The following PEAK1 variants were observed in gnomAD, a reference collection of about 807,000 sequenced individuals.
The protein encoded by PEAK1 is pseudopodium enriched atypical kinase 1.
PEAK1 carries 54 observed loss-of-function variants against 124.7 expected under a neutral mutation model. That is an observed-to-expected ratio of 0.43 (90% confidence interval 0.35 to 0.54). PEAK1 has a LOEUF of 0.54. PEAK1 is among the 20% of genes least tolerant of loss of function. The pLI, the probability that PEAK1 is intolerant of heterozygous loss-of-function variation, is 0.01. For missense variants in PEAK1, 2,046 were observed against 2,134.5 expected, an observed-to-expected ratio of 0.96 and a Z score of 0.82; for synonymous variants, 719 against 760.0, an observed-to-expected ratio of 0.95 and a Z score of 0.89.
intron 6 of PEAK1, among the ~76,000 whole-genome samples, chr15:77,202,802 C>T (rs761294116): frequency 1.3e-5 from 2 of 151,092 alleles, no homozygotes; most frequent in Admixed American, 1.3e-4. Context: ...TTTGGGAGGC[C>T]GAGGTGGGCA....
chr15:77,304,936 C>T (rs1393948744), intron 2 of PEAK1, among the ~76,000 whole-genome samples: 2 of 151,796 alleles, frequency 1.3e-5, no homozygotes, highest in Non-Finnish European at 2.9e-5. Flanking sequence ...GTAAAGGGCA[C>T]AAAGATGAAG....
At chr15:77,258,247 T>C (rs1374451045) in intron 5 of PEAK1, among the ~76,000 whole-genome samples, 1 of 152,210 alleles carries the variant, frequency 6.6e-6, no homozygotes, top group African/African-American at 2.4e-5. Flanking sequence ...AAAGTAGTTT[T>C]TTCCAATTCT....
intron 6 of PEAK1, among the ~76,000 whole-genome samples, chr15:77,204,153 G>A (rs1459632139): frequency 6.6e-6 from 1 of 152,078 alleles, no homozygotes; most frequent in Non-Finnish European, 1.5e-5. Context: ...ATAAAAAGAT[G>A]CACCACATCA....
At chr15:77,235,515 T>C (rs2152902572) in intron 6 of PEAK1, among the ~76,000 whole-genome samples, 1 of 152,278 alleles carries the variant, frequency 6.6e-6, no homozygotes, top group African/African-American at 2.4e-5. Context: ...TTAGGGTATC[T>C]GGCAGAAGAA....
intron 6 of PEAK1, among the ~76,000 whole-genome samples, chr15:77,222,475 T>A (rs981798265): frequency 3.9e-5 from 6 of 152,040 alleles, no homozygotes; most frequent in Non-Finnish European, 8.8e-5. Flanking sequence ...TTTTACAGAC[T>A]AAGGAATTTT....
At position 77,181,777 on chromosome 15, in the gene PEAK1, A is replaced by T; in HGVS notation, c.150T>A (p.Ser50Arg). 2 of 1,614,066 alleles carry T rather than the reference A, an allele frequency of 1.2e-6. No homozygotes were observed. The highest frequency in any genetic ancestry group is 2.2e-5 in the South Asian group (2 of 91,068). ...HGNVKTNANH[S>R]NNHRIRNTGN... ...CCGTGTTCCTGATGCGGTGGTTGTT[A>T]CTGTGATTGGCATTAGTTTTCACAT... The change falls in exon 7 of 10, where the codon AGT (serine) becomes AGA (arginine). Residue 50 changes from serine (S) to arginine (R), a missense_variant. Ser to Arg is a moderately radical substitution (Grantham distance 110, BLOSUM62 -1). Transcript: ENST00000682557.
intron 6 of PEAK1, among the ~76,000 whole-genome samples, chr15:77,231,471 G>A (rs1295840882): frequency 6.6e-6 from 1 of 152,090 alleles, no homozygotes; most frequent in African/African-American, 2.4e-5. Context: ...GCTAAAATTA[G>A]ACAAAAGTTT....
intron 5 of PEAK1, among the ~76,000 whole-genome samples, chr15:77,257,682 G>C (rs1262309575): frequency 6.6e-6 from 1 of 151,724 alleles, no homozygotes; most frequent in Admixed American, 6.6e-5. Flanking sequence ...TAGGTTGCCT[G>C]TTCACTCTGA....
At chr15:77,288,252 C>T (rs936533900) in intron 2 of PEAK1, among the ~76,000 whole-genome samples, 7 of 151,858 alleles carry the variant, frequency 4.6e-5, no homozygotes, top group African/African-American at 9.7e-5. Flanking sequence ...AACTTTATTT[C>T]CTATCTCCCA....
At chr15:77,137,501 T>C (rs781344587) in intron 8 of PEAK1, among the ~76,000 whole-genome samples, 5 of 152,190 alleles carry the variant, frequency 3.3e-5, no homozygotes, top group African/African-American at 4.8e-5. Context: ...ATGCAAGACA[T>C]GGAATCAAGG....
At chr15:77,305,713 G>A (rs2064063784) in intron 2 of PEAK1, among the ~76,000 whole-genome samples, 1 of 152,142 alleles carries the variant, frequency 6.6e-6, no homozygotes, top group Non-Finnish European at 1.5e-5. Context: ...GGACCCCTGT[G>A]AACACTAAAA....
chr15:77,180,171 T>C lies in PEAK1; in HGVS notation c.1756A>G (p.Lys586Glu). 1 of 1,614,088 alleles carries C rather than the reference T, an allele frequency of 6.2e-7. No individual in the cohort carries two copies. The highest frequency in any genetic ancestry group is 8.5e-7 in the Non-Finnish European group (1 of 1,179,948). The stretch of plus-strand genomic sequence containing the variant: ...TTAATTTCAGACAAATTAGGTGACT[T>C]AACAGGGATGGTTTTGGAGGAAATG... ...TNISSKTIPV[K>E]SPNLSEIKFN... is the part of the protein sequence containing the mutation. Residue 586 changes from lysine (K) to glutamate (E), a missense_variant, in exon 7 of 10, where the codon AAG becomes GAG. Coordinates refer to ENST00000682557, the MANE Select transcript of PEAK1 (RefSeq NM_001385026.1).
intron 2 of PEAK1, among the ~76,000 whole-genome samples, chr15:77,288,546 G>C (rs1456981974): frequency 6.6e-6 from 1 of 152,208 alleles, no homozygotes; most frequent in East Asian, 1.9e-4. Flanking sequence ...AAACCAGTGA[G>C]AAGGGAAACT....
At chr15:77,271,435 T>C (rs2062025506) in intron 5 of PEAK1, among the ~76,000 whole-genome samples, 1 of 152,192 alleles carries the variant, frequency 6.6e-6, no homozygotes, top group Non-Finnish European at 1.5e-5. Flanking sequence ...ACTGGGTATA[T>C]ACCCAAAGGA....
intron 1 of PEAK1, among the ~76,000 whole-genome samples, chr15:77,415,154 T>C (rs1429408206): frequency 6.6e-6 from 1 of 152,170 alleles, no homozygotes; most frequent in Non-Finnish European, 1.5e-5. Flanking sequence ...CCACGAAAAT[T>C]GGTACTGCTA....
chr15:77,372,567 A>G (rs898805041), intron 1 of PEAK1, among the ~76,000 whole-genome samples: 7 of 152,196 alleles, frequency 4.6e-5, no homozygotes, highest in Admixed American at 4.6e-4. Context: ...TGCTTAGTAT[A>G]GCCCTGAACT....
chr15:77,419,892 G>C (rs1368602354), intron 1 of PEAK1, 114 bp downstream of exon 1: 1 of 149,664 alleles, frequency 6.7e-6, no homozygotes, highest in Admixed American at 6.6e-5. Context: ...AACCCGCGCC[G>C]CCCCGCCCGG....
intron 2 of PEAK1, among the ~76,000 whole-genome samples, chr15:77,357,309 G>A (rs1034816188): frequency 3.3e-5 from 5 of 152,200 alleles, no homozygotes; most frequent in Admixed American, 3.3e-4. Flanking sequence ...GTCTTACTCT[G>A]TTACCCAGTC....
intron 9 of PEAK1, among the ~76,000 whole-genome samples, chr15:77,128,722 T>C (rs915176663): frequency 1.4e-4 from 21 of 152,212 alleles, no homozygotes; most frequent in African/African-American, 5.1e-4. Flanking sequence ...TGTTCACAGT[T>C]GTATTTTGTA....
Sources: gnomAD v4.1 joint callset for allele counts (sites outside exome capture counted in the v4.1 genomes callset) on GRCh38, gnomAD v4.1.1 for gene constraint, MANE v1.5 for transcripts, NCBI Gene and HGNC (gene_info 2026-07-23, HGNC 2026-07-21) for gene names.